CTNNA2: variants seen among roughly 807,000 people sequenced by gnomAD.
CTNNA2 encodes the protein catenin alpha 2.
A neutral mutation model predicts 101.0 loss-of-function variants in CTNNA2; 42 were observed. That is an observed-to-expected ratio of 0.42 (90% CI 0.32 to 0.54). The LOEUF (loss-of-function observed/expected upper bound fraction) is 0.54. Among genes scored for constraint, CTNNA2 ranks in the 20% least tolerant of loss-of-function variants. CTNNA2 has a pLI of 0.14. For missense variants in CTNNA2, 871 were observed against 1,223.1 expected (o/e 0.71, Z 4.29); for synonymous variants, 450 against 456.4 (o/e 0.99, Z 0.18).
chr2:80,562,976 A>G (rs143989766), intron 12 of CTNNA2, among the ~76,000 whole-genome samples: 15 of 151,580 alleles, frequency 9.9e-5, no homozygotes, highest in African/African-American at 3.4e-4. Flanking sequence ...GCATGTGTGT[A>G]TAGGCCATAA....
intron 3 of CTNNA2, among the ~76,000 whole-genome samples, chr2:79,765,608 C>T (rs776489150): frequency 2.0e-5 from 3 of 152,106 alleles, no homozygotes; most frequent in Non-Finnish European, 2.9e-5. Flanking sequence ...CCCAGCATGC[C>T]GAAGCACTTC....
chr2:80,302,598 G>T lies in CTNNA2; in HGVS notation c.1057-90613G>T, dbSNP rs1438704548. Reference sequence around the variant, plus strand: ...CCGCCTGGAAGAGCCACGGTGGCAGGCTCGAATGTGCCGTCGTGCTGCCCC... The same window carrying T: ...CCGCCTGGAAGAGCCACGGTGGCAGTCTCGAATGTGCCGTCGTGCTGCCCC... On this transcript the variant is annotated intron_variant, in intron 7 of 18. Transcript: ENST00000402739. This position sits in a 1 kb window ranked among gnomAD's most constrained non-coding sequence, Gnocchi z 6.4. 1.2e-6 allele frequency: 2 copies of T among 1,606,272 alleles called. No individual in the cohort carries two copies. Among genetic ancestry groups the T allele is most frequent in the African/African-American group, 1.3e-5 (1 of 75,026 alleles).
At chr2:79,837,547 T>G (rs1481197031) in intron 3 of CTNNA2, among the ~76,000 whole-genome samples, 1 of 152,180 alleles carries the variant, frequency 6.6e-6, no homozygotes, top group Admixed American at 6.5e-5. Context: ...TAATACCATG[T>G]GCCAATGATC....
At chr2:80,094,503 C>T (rs1573055238) in intron 7 of CTNNA2, among the ~76,000 whole-genome samples, 2 of 152,014 alleles carry the variant, frequency 1.3e-5, no homozygotes, top group East Asian at 1.9e-4. Flanking sequence ...TTTTTTGGTT[C>T]CATATGAACT....
At chr2:80,373,674 A>G (rs1369775199) in intron 7 of CTNNA2, among the ~76,000 whole-genome samples, 1 of 152,120 alleles carries the variant, frequency 6.6e-6, no homozygotes, top group Non-Finnish European at 1.5e-5. Context: ...ATAGCTGCCA[A>G]TTTCTAATAA....
chr2:80,491,523 AG>A (rs1475732757), intron 9 of CTNNA2, among the ~76,000 whole-genome samples: 5 of 152,186 alleles, frequency 3.3e-5, no homozygotes, highest in Admixed American at 1.3e-4. Flanking sequence ...ATAATTCAGA[AG>A]GGATATATCA....
At chr2:80,510,755 C>T (rs959278225) in intron 9 of CTNNA2, among the ~76,000 whole-genome samples, 1 of 152,094 alleles carries the variant, frequency 6.6e-6, no homozygotes, top group Non-Finnish European at 1.5e-5. Flanking sequence ...AATATAGGAT[C>T]CTTGTGACGT....
intron 9 of CTNNA2, among the ~76,000 whole-genome samples, chr2:80,542,234 T>C (rs1373799443): frequency 4.3e-5 from 6 of 140,796 alleles, no homozygotes; most frequent in African/African-American, 1.4e-4. Flanking sequence ...TATTTACTTA[T>C]TTATTTACAT....
chr2:79,898,258 C>T (rs752784388), intron 6 of CTNNA2, among the ~76,000 whole-genome samples: 12 of 151,908 alleles, frequency 7.9e-5, no homozygotes, highest in Admixed American at 1.3e-4. Flanking sequence ...CTCAGCCTCC[C>T]GAGTAGCTGG....
At chr2:79,507,852 A>G (rs1206982128) in intron 5 of CTNNA2, among the ~76,000 whole-genome samples, 1 of 152,192 alleles carries the variant, frequency 6.6e-6, no homozygotes, top group African/African-American at 2.4e-5. Flanking sequence ...AATGAACTTC[A>G]TGCACATTAT....
chr2:80,479,459 A>T (rs1431870511), intron 9 of CTNNA2, among the ~76,000 whole-genome samples: 2 of 152,152 alleles, frequency 1.3e-5, no homozygotes, highest in Non-Finnish European at 2.9e-5. Flanking sequence ...AAGGTTGACA[A>T]ACCCTATGGG....
chr2:80,460,974 G>C (rs1684375021), intron 9 of CTNNA2, among the ~76,000 whole-genome samples: 3 of 152,110 alleles, frequency 2.0e-5, no homozygotes, highest in Admixed American at 2.0e-4. Flanking sequence ...TACCGTTCCA[G>C]GAACACAATT....
intron 7 of CTNNA2, among the ~76,000 whole-genome samples, chr2:80,339,143 C>A (rs1167519065): frequency 6.6e-6 from 1 of 151,994 alleles, no homozygotes; most frequent in Non-Finnish European, 1.5e-5. Flanking sequence ...TTAACATCTA[C>A]AAAAACAAAC....
At chr2:80,304,907 C>CA (rs56174873) in intron 7 of CTNNA2, among the ~76,000 whole-genome samples, 6,070 of 73,048 alleles carry the variant, frequency 0.083, 185 homozygotes, top group Non-Finnish European at 0.098. Flanking sequence ...GTCCATATTT[C>CA]AAAAAAAAAA....
intron 13 of CTNNA2, among the ~76,000 whole-genome samples, chr2:80,576,076 G>A (rs1277669543): frequency 6.6e-6 from 1 of 152,132 alleles, no homozygotes; most frequent in Non-Finnish European, 1.5e-5. Flanking sequence ...AATAAGACAA[G>A]TAGAATTGTT....
chr2:80,432,347 A>T (rs992356841), intron 9 of CTNNA2, among the ~76,000 whole-genome samples: 13 of 152,152 alleles, frequency 8.5e-5, no homozygotes, highest in African/African-American at 3.1e-4. Flanking sequence ...TTTGGGGAAA[A>T]AATTGATGTT....
At chr2:80,478,344 G>T (rs7569533) in intron 9 of CTNNA2, among the ~76,000 whole-genome samples, 55,007 of 151,896 alleles carry the variant, frequency 0.36, 11,059 homozygotes, top group East Asian at 0.67. Flanking sequence ...TTCTATAGGT[G>T]GTCTTTTTAT....
chr2:79,874,111 A>C lies in CTNNA2; in HGVS notation c.621A>C (p.Ala207=). 2 of 1,614,234 alleles carry C rather than the reference A, an allele frequency of 1.2e-6. No individual in the cohort carries two copies. The highest frequency in any genetic ancestry group is 1.7e-6 in the Non-Finnish European group (2 of 1,180,034). The change falls in exon 6 of 19, where the codon GCA becomes GCC. Residue 207 remains alanine (A), a synonymous_variant. Coordinates refer to ENST00000402739, the MANE Select transcript of CTNNA2 (RefSeq NM_001282597.3). ...ATCCTCACTGTCGGGATGAGATGGCAGCCGCCCGAGGGGCTCTGAAGAAGA... is the reference window on the plus strand; with the variant it reads ...ATCCTCACTGTCGGGATGAGATGGCCGCCGCCCGAGGGGCTCTGAAGAAGA... ...LKDPHCRDEM[A]AARGALKKNA... is the part of the protein sequence containing the mutation.
At chr2:80,535,828 T>C (rs550124819) in intron 9 of CTNNA2, among the ~76,000 whole-genome samples, 1 of 152,300 alleles carries the variant, frequency 6.6e-6, no homozygotes, top group African/African-American at 2.4e-5. Context: ...CTGATAAACT[T>C]ATGCCAGTGT....
Sources: allele counts gnomAD v4.1 joint callset (sites outside exome capture counted in the v4.1 genomes callset), GRCh38; gene constraint gnomAD v4.1.1; non-coding constraint Gnocchi (gnomAD v3.1); transcripts MANE v1.5; gene names NCBI Gene and HGNC (gene_info 2026-07-23, HGNC 2026-07-21).